SORBS2: variants seen among roughly 807,000 people sequenced by gnomAD.
SORBS2 encodes sorbin and SH3 domain-containing protein 2.
In SORBS2, 46 loss-of-function variants were observed where a neutral mutation model predicts 97.7. The ratio of observed to expected loss-of-function variants is 0.47; its 90% CI spans 0.37 to 0.60. SORBS2 has a LOEUF of 0.60. Ranked by LOEUF, SORBS2 falls within the 20% of genes least tolerant of loss-of-function variation. The pLI, the probability that SORBS2 is intolerant of heterozygous loss-of-function variation, is 0.00. For missense variants in SORBS2, 1,316 were observed against 1,282.3 expected, an observed-to-expected ratio of 1.03 and a Z score of -0.40; for synonymous variants, 476 against 473.4, an observed-to-expected ratio of 1.01 and a Z score of -0.07.
chr4:185,943,744 G>A (rs72709783), intron 1 of SORBS2, among the ~76,000 whole-genome samples: 19,660 of 152,144 alleles, frequency 0.13, 1,563 homozygotes, highest in Middle Eastern at 0.24. Flanking sequence ...TGGACGTTAG[G>A]TTATATTAGA....
chr4:185,662,790 A>T (rs1344508121), intron 4 of SORBS2, among the ~76,000 whole-genome samples: 1 of 152,238 alleles, frequency 6.6e-6, no homozygotes, highest in Non-Finnish European at 1.5e-5. Flanking sequence ...TAGAAGGATC[A>T]AATACCTGGT....
At chr4:185,682,960 C>A (rs1258340663) in intron 2 of SORBS2, among the ~76,000 whole-genome samples, 1 of 149,550 alleles carries the variant, frequency 6.7e-6, no homozygotes, top group Non-Finnish European at 1.5e-5. Flanking sequence ...TTGCAGTGAG[C>A]CAAGATCGTG....
intron 2 of SORBS2, among the ~76,000 whole-genome samples, chr4:185,747,639 G>A (rs1288102582): frequency 6.6e-6 from 1 of 152,152 alleles, no homozygotes; most frequent in Admixed American, 6.5e-5. Context: ...CAGGCCCATG[G>A]TGGTCAGGGC....
Position 185,612,944 on chromosome 4 carries a change from T to C in SORBS2, c.2596-964A>G, listed in dbSNP as rs897295346. 9.2e-5 allele frequency among the ~76,000 whole-genome samples: 14 copies of C among 152,354 alleles called. No individual in the cohort carries two copies. The South Asian group carries it at 1.0e-3, about 11-fold the overall frequency. ...GGAAACCCAGCATCCATCTGAGTAGTTGGTGACCATTCCATACTTGTCATT... is the reference window on the plus strand; with the variant it reads ...GGAAACCCAGCATCCATCTGAGTAGCTGGTGACCATTCCATACTTGTCATT... On this transcript the variant is annotated intron_variant, in intron 11 of 14. Transcript: ENST00000418609.
intron 2 of SORBS2, among the ~76,000 whole-genome samples, chr4:185,737,122 T>C (rs2098692544): frequency 6.6e-6 from 1 of 152,186 alleles, no homozygotes; most frequent in Admixed American, 6.5e-5. Context: ...CCACGATTTT[T>C]CCCTTTTCAG....
intron 2 of SORBS2, among the ~76,000 whole-genome samples, chr4:185,736,610 A>T (rs1212403047): frequency 6.6e-6 from 1 of 152,228 alleles, no homozygotes; most frequent in African/African-American, 2.4e-5. Flanking sequence ...CGTTACAGGC[A>T]CAAGGTATGT....
intron 2 of SORBS2, among the ~76,000 whole-genome samples, chr4:185,709,351 A>G (rs978952760): frequency 6.9e-6 from 1 of 143,992 alleles, no homozygotes; most frequent in African/African-American, 2.5e-5. Context: ...AGTTACAATA[A>G]AGAAATAAAG....
At chr4:185,937,982 G>A (rs2099269786) in intron 1 of SORBS2, among the ~76,000 whole-genome samples, 1 of 150,830 alleles carries the variant, frequency 6.6e-6, no homozygotes, top group Non-Finnish European at 1.5e-5. Context: ...GTGGCTGCCT[G>A]CCTCCTAGGT....
chr4:185,602,385 T>C (rs576250882), intron 12 of SORBS2, among the ~76,000 whole-genome samples: 52 of 152,372 alleles, frequency 3.4e-4, no homozygotes, highest in African/African-American at 1.2e-3. Context: ...AATATTGGAT[T>C]CAGATTTATA....
intron 1 of SORBS2, among the ~76,000 whole-genome samples, chr4:185,801,535 A>G (rs904561423): frequency 3.3e-5 from 5 of 152,036 alleles, no homozygotes; most frequent in African/African-American, 4.8e-5. Flanking sequence ...GTGGTGTCTC[A>G]CTGTGGTTTT....
intron 1 of SORBS2, among the ~76,000 whole-genome samples, chr4:185,806,484 G>T (rs1224681582): frequency 9.3e-6 from 1 of 107,102 alleles, no homozygotes; most frequent in Non-Finnish European, 1.7e-5. Context: ...TTGAGACGGA[G>T]TCTCGCTCTG....
intron 4 of SORBS2, chr4:185,665,616 G>A: frequency 3.4e-6 from 1 of 297,328 alleles, no homozygotes; most frequent in Non-Finnish European, 5.0e-6. Context: ...AGATGGCATA[G>A]AATTGGTTTG....
At chr4:185,850,219 G>A (rs2099217033) in intron 1 of SORBS2, among the ~76,000 whole-genome samples, 1 of 152,286 alleles carries the variant, frequency 6.6e-6, no homozygotes, top group Admixed American at 6.5e-5. Flanking sequence ...ATGCTAAAGT[G>A]ACTTTCATGT....
At chr4:185,649,733 C>G in intron 2 of SORBS2, 77 bp from the exon 12 acceptor site, 1 of 965,330 alleles carries the variant, frequency 1.0e-6, no homozygotes, top group Admixed American at 3.2e-5. Context: ...TTATTTGTCC[C>G]CCTCAAAATA....
rs79447420 is a variant in SORBS2 at position 185,844,421 on chromosome 4, C to A, written c.-337-69055G>T. ...CCACAATAAGAGAGCACTTCACACC[C>A]ATGAGAATGACAATAACAACAACAA... On this transcript the variant is annotated intron_variant, in intron 1 of 20. Transcript: ENST00000284776. Among the ~76,000 whole-genome samples, 62 of 151,130 alleles carry A rather than the reference C, an allele frequency of 4.1e-4. No homozygotes were observed. In the East Asian group the frequency reaches 0.011, roughly 27 times the overall value.
At chr4:185,804,407 T>C (rs2099144262) in intron 1 of SORBS2, among the ~76,000 whole-genome samples, 1 of 152,176 alleles carries the variant, frequency 6.6e-6, no homozygotes, top group Admixed American at 6.5e-5. Flanking sequence ...CACTTTCACA[T>C]GGAAAGACTG....
In SORBS2 at chr4:185,606,024, T is replaced by C; in HGVS notation, c.2796+5756A>G. 1.1e-6 allele frequency: 1 copy of C among 905,318 alleles called. No homozygotes were observed. The highest frequency in any genetic ancestry group is 1.3e-6 in the Non-Finnish European group (1 of 757,008). The allele number at this position is 905,318 out of a possible 1,614,324, so 56.1% of individuals were successfully genotyped here. A position where few individuals can be genotyped will look rare whatever the true frequency, so the allele number is the denominator to read the frequency against. Reference sequence around the variant, plus strand: ...AGTCAACACAAAGAGAACGACCTCTTTAGAAAATCGAAAGGGGACAGAAGT... The same window carrying C: ...AGTCAACACAAAGAGAACGACCTCTCTAGAAAATCGAAAGGGGACAGAAGT... On this transcript the variant is annotated intron_variant, in intron 12 of 14. Coordinates refer to ENST00000418609, the Ensembl canonical transcript of SORBS2. This position sits in a 1 kb window ranked among gnomAD's most constrained non-coding sequence, Gnocchi z 4.3.
chr4:185,931,996 C>CTA (rs1402862734), intron 1 of SORBS2, among the ~76,000 whole-genome samples: 11 of 151,614 alleles, frequency 7.3e-5, no homozygotes, highest in South Asian at 4.2e-4. Flanking sequence ...CTCTCTCTCT[C>CTA]TCTCTCTATA....
At chr4:185,863,798 A>G (rs897709654) in intron 1 of SORBS2, among the ~76,000 whole-genome samples, 1 of 152,188 alleles carries the variant, frequency 6.6e-6, no homozygotes, top group African/African-American at 2.4e-5. Context: ...ATCAAATGCT[A>G]TGATTGTGAA....
Sources: gnomAD v4.1 joint callset for allele counts (sites outside exome capture counted in the v4.1 genomes callset) on GRCh38, gnomAD v4.1.1 for gene constraint, Gnocchi (gnomAD v3.1) non-coding constraint, MANE v1.5 for transcripts, NCBI Gene and HGNC (gene_info 2026-07-23, HGNC 2026-07-21) for gene names.